The following CDCA2 variants were observed in gnomAD, a reference collection of about 807,000 sequenced individuals.
The protein encoded by CDCA2 is cell division cycle associated 2.
A neutral mutation model predicts 67.0 loss-of-function variants in CDCA2; 44 were observed. The ratio of observed to expected loss-of-function variants is 0.66; its 90% CI spans 0.52 to 0.84. The LOEUF is 0.84. Ranked by LOEUF, CDCA2 falls within the 40% of genes least tolerant of loss-of-function variation. The pLI is 0.00. For synonymous variants in CDCA2, 447 were observed against 418.7 expected (o/e 1.07, Z -0.82); for missense variants, 1,253 against 1,203.2 (o/e 1.04, Z -0.61).
intron 11 of CDCA2, among the ~76,000 whole-genome samples, chr8:25,486,443 T>C (rs78253069): frequency 0.051 from 7,819 of 152,240 alleles, 680 homozygotes; most frequent in African/African-American, 0.18. Context: ...AGCTAAAATT[T>C]GAATCACAGT....
chr8:25,479,355 T>TA (rs2117508046), intron 7 of CDCA2, among the ~76,000 whole-genome samples: 1 of 152,314 alleles, frequency 6.6e-6, no homozygotes, highest in African/African-American at 2.4e-5. Flanking sequence ...TCACATCATG[T>TA]ATTTGTTCAA....
chr8:25,500,106 A>G (rs1804412988), intron 13 of CDCA2, among the ~76,000 whole-genome samples: 1 of 152,188 alleles, frequency 6.6e-6, no homozygotes, highest in Non-Finnish European at 1.5e-5. Context: ...TCTTTCAATC[A>G]TGTTGAGCAA....
intron 13 of CDCA2, 135 bp downstream of exon 13, chr8:25,488,824 T>A: frequency 1.5e-6 from 1 of 683,206 alleles, no homozygotes; most frequent in Non-Finnish European, 2.1e-6. Context: ...TACCGTGGAG[T>A]AGAATGGGGT....
Position 25,468,544 on chromosome 8 carries a change from TGTGTGTGTGTGTGC to T in CDCA2, c.735+145_735+158del, listed in dbSNP as rs1161332369. 5 of 515,528 alleles carry T rather than the reference TGTGTGTGTGTGTGC, an allele frequency of 9.7e-6. No individual in the cohort carries two copies. In the Middle Eastern group the frequency reaches 1.5e-3, roughly 157 times the overall value. The allele number at this position is 515,528 out of a possible 1,614,324, so 31.9% of individuals were successfully genotyped here. On this transcript the variant is annotated intron_variant, in intron 6 of 14. Coordinates refer to ENST00000330560, the MANE Select transcript of CDCA2 (RefSeq NM_152562.4). ...CTGTGGTTCCTGGGGTGTGTGTGTGTGTGTGTGTGTGTGCGTGTGTGTGTGTGTGTTTCCTACCT... is the reference window on the plus strand; with the variant it reads ...CTGTGGTTCCTGGGGTGTGTGTGTGTGTGTGTGTGTGTGTGTTTCCTACCT...
At chr8:25,490,548 A>G (rs1198638877) in intron 13 of CDCA2, among the ~76,000 whole-genome samples, 1 of 152,098 alleles carries the variant, frequency 6.6e-6, no homozygotes, top group Non-Finnish European at 1.5e-5. Context: ...CGGCCTGTTC[A>G]TGGGAATCCC....
chr8:25,480,112 A>G lies in CDCA2; in HGVS notation c.1020A>G (p.Leu340=), dbSNP rs910719590. The change falls in exon 8 of 15, where the codon CTA becomes CTG. Residue 340 remains leucine, a synonymous_variant. Coordinates refer to ENST00000330560, the MANE Select transcript of CDCA2 (RefSeq NM_152562.4). ...VLKKPSVKMC[L]ESLQEHCNNL... is the part of the protein sequence containing the mutation. Reference sequence around the variant, plus strand: ...AGAAACCCTCTGTTAAGATGTGTCTAGAGAGCTTACAGGTAAGAAGAGAGT... The same window carrying G: ...AGAAACCCTCTGTTAAGATGTGTCTGGAGAGCTTACAGGTAAGAAGAGAGT... 1.2e-6 allele frequency: 2 copies of G among 1,613,876 alleles called. No individual in the cohort carries two copies. The highest frequency in any genetic ancestry group is 2.7e-5 in the African/African-American group (2 of 75,056).
intron 4 of CDCA2, among the ~76,000 whole-genome samples, chr8:25,463,866 T>G (rs1374714141): frequency 6.6e-6 from 1 of 152,204 alleles, no homozygotes; most frequent in Non-Finnish European, 1.5e-5. Context: ...CACACTGGCT[T>G]TTCTGCCCCA....
rs1804707179 is a variant in CDCA2, at chr8:25,506,991, A to G, written c.2325A>G (p.Gly775=). The G allele has an allele frequency of 6.2e-7, 1 of 1,614,064 alleles. No homozygotes were observed. Among genetic ancestry groups the G allele is most frequent in the Admixed American group, 1.7e-5 (1 of 60,006 alleles). The change falls in exon 15 of 15, where the codon GGA becomes GGG. Residue 775 remains glycine (G), a synonymous_variant. Coordinates refer to ENST00000330560, the MANE Select transcript of CDCA2 (RefSeq NM_152562.4). ...RKDDFLGAAE[G]KLQCNRLMPN... ...ATGACTTCTTAGGAGCTGCAGAAGG[A>G]AAACTGCAATGCAATCGTTTAATGC...
intron 13 of CDCA2, among the ~76,000 whole-genome samples, chr8:25,502,096 C>T (rs1804501702): frequency 1.3e-5 from 2 of 152,094 alleles, no homozygotes; most frequent in African/African-American, 4.8e-5. Context: ...CGGCTTTCAC[C>T]ATGTTGGCCA....
intron 3 of CDCA2, 25 bp from the exon 4 acceptor site, chr8:25,462,029 A>G (rs777932023): frequency 6.2e-7 from 1 of 1,605,190 alleles, no homozygotes; most frequent in East Asian, 2.2e-5. Context: ...GTTTTGTTCC[A>G]ATTTATAAGA....
intron 4 of CDCA2, among the ~76,000 whole-genome samples, chr8:25,464,774 A>G (rs1374590515): frequency 2.6e-5 from 4 of 152,190 alleles, no homozygotes; most frequent in Non-Finnish European, 4.4e-5. Context: ...GTTCTGTTAG[A>G]TGAATTGACA....
chr8:25,479,818 G>A (rs767933007), intron 7 of CDCA2, 95 bp from the exon 8 acceptor site: 129 of 1,138,976 alleles, frequency 1.1e-4, no homozygotes, highest in Non-Finnish European at 1.6e-4. Context: ...TTTCTTCATA[G>A]CATGTTATTA....
chr8:25,479,967 C>T lies in CDCA2; in HGVS notation c.875C>T (p.Pro292Leu), dbSNP rs1333183798. ...VGKGSSDAVS[P>L]DTFTAEVSSD... Reference sequence around the variant, plus strand: ...AAAGGATCAAGTGATGCCGTTTCGCCTGACACGTTCACAGCAGAAGTGAGC... The same window carrying T: ...AAAGGATCAAGTGATGCCGTTTCGCTTGACACGTTCACAGCAGAAGTGAGC... Residue 292 changes from proline to leucine, a missense_variant, in exon 8 of 15, where the codon CCT becomes CTT. Physicochemically the swap from Pro to Leu is moderately conservative, Grantham distance 98. Transcript: ENST00000330560. The T allele has an allele frequency of 1.2e-6, 2 of 1,614,008 alleles. No homozygotes were observed. Among genetic ancestry groups the T allele is most frequent in the African/African-American group, 2.7e-5 (2 of 74,904 alleles).
At chr8:25,481,151 A>G (rs1803552834) in intron 8 of CDCA2, among the ~76,000 whole-genome samples, 1 of 151,174 alleles carries the variant, frequency 6.6e-6, no homozygotes. Flanking sequence ...CAGGTACAAT[A>G]GCTCACACCT....
At chr8:25,481,727 C>G (rs1803579896) in intron 8 of CDCA2, among the ~76,000 whole-genome samples, 1 of 152,084 alleles carries the variant, frequency 6.6e-6, no homozygotes, top group Non-Finnish European at 1.5e-5. Context: ...AACTAATGAT[C>G]TTTATACTAA....
chr8:25,496,639 T>C (rs1289250528), intron 13 of CDCA2, among the ~76,000 whole-genome samples: 1 of 152,086 alleles, frequency 6.6e-6, no homozygotes, highest in Non-Finnish European at 1.5e-5. Flanking sequence ...AGGTCCAGAA[T>C]AGACAGTTCT....
chr8:25,466,941 C>G (rs1563260805), intron 5 of CDCA2, among the ~76,000 whole-genome samples: 1 of 145,814 alleles, frequency 6.9e-6, no homozygotes, highest in Non-Finnish European at 1.5e-5. Context: ...ACTGGGGAGG[C>G]TGAGGCAGGA....
Position 25,469,842 on chromosome 8 carries a change from C to T in CDCA2, c.736-54C>T, listed in dbSNP as rs1803078532. Reference sequence around the variant, plus strand: ...ATGTTTACTCAAATCTTCAAAAAGGCATTAGTAGTACTCTAATTAATAAAA... The same window carrying T: ...ATGTTTACTCAAATCTTCAAAAAGGTATTAGTAGTACTCTAATTAATAAAA... On this transcript the variant is annotated intron_variant, in intron 6 of 14. Coordinates refer to ENST00000330560, the MANE Select transcript of CDCA2 (RefSeq NM_152562.4). 3 of 1,080,070 alleles carry T rather than the reference C, an allele frequency of 2.8e-6. No individual in the cohort carries two copies. The Admixed American group carries it at 5.5e-5, about 20-fold the overall frequency. 66.9% of individuals were successfully genotyped at this position (1,080,070 alleles called of 1,614,324 possible).
rs557291613 is a variant in CDCA2 at position 25,463,181 on chromosome 8, A to G, written c.387+973A>G. Among the ~76,000 whole-genome samples, 151 of 152,290 alleles carry G rather than the reference A, an allele frequency of 9.9e-4. 1 individual carries two copies. The South Asian group carries it at 0.031, about 31-fold the overall frequency. Reference sequence around the variant, plus strand: ...TAGGGGCAAGGGTCTCCTGGACAAAATGTATTTGGGACAACCTTGTGGAGA... The same window carrying G: ...TAGGGGCAAGGGTCTCCTGGACAAAGTGTATTTGGGACAACCTTGTGGAGA... On this transcript the variant is annotated intron_variant, in intron 4 of 14. Transcript: ENST00000330560.
Sources: gnomAD v4.1 joint callset for allele counts (sites outside exome capture counted in the v4.1 genomes callset) on GRCh38, gnomAD v4.1.1 for gene constraint, MANE v1.5 for transcripts, NCBI Gene and HGNC (gene_info 2026-07-23, HGNC 2026-07-21) for gene names.